Variants in SSH2 observed in about 807,000 individuals in gnomAD.
The protein encoded by SSH2 is slingshot protein phosphatase 2.
Under a neutral mutation model 135.2 loss-of-function variants are expected in SSH2, and 37 were observed. The ratio of observed to expected loss-of-function variants is 0.27; its 90% confidence interval spans 0.21 to 0.36. SSH2 has a LOEUF of 0.36. SSH2 is among the 10% of genes least tolerant of loss of function. SSH2 has a pLI of 1.00. For synonymous variants in SSH2, 628 were observed against 646.2 expected (o/e 0.97, Z 0.43); for missense variants, 1,408 against 1,765.3 (o/e 0.80, Z 3.63).
At chr17:29,815,883 C>T (rs748895736) in intron 2 of SSH2, among the ~76,000 whole-genome samples, 6 of 151,808 alleles carry the variant, frequency 4.0e-5, no homozygotes, top group Admixed American at 6.6e-5. Flanking sequence ...GAGTCTCGCT[C>T]TGTTGCCCAG....
chr17:29,919,778 A>G (rs2066943073), intron 1 of SSH2, among the ~76,000 whole-genome samples: 1 of 150,206 alleles, frequency 6.7e-6, no homozygotes, highest in African/African-American at 2.5e-5. Flanking sequence ...TTTTTAATGG[A>G]TTAACAAATA....
intron 3 of SSH2, chr17:29,761,199 G>A (rs775962000): frequency 2.4e-5 from 31 of 1,289,464 alleles, no homozygotes; most frequent in Admixed American, 1.8e-4. Context: ...GAGAAGTAAG[G>A]AATCATGTCG....
At chr17:29,826,966 A>G (rs781282797) in intron 2 of SSH2, among the ~76,000 whole-genome samples, 1 of 152,222 alleles carries the variant, frequency 6.6e-6, no homozygotes, top group Non-Finnish European at 1.5e-5. Flanking sequence ...GCTACCTACC[A>G]AGAGAGCTCG....
chr17:29,695,504 G>C lies in SSH2; in HGVS notation c.312C>G (p.Leu104=). 6.2e-7 allele frequency: 1 copy of C among 1,612,316 alleles called. No homozygotes were observed. Among genetic ancestry groups the C allele is most frequent in the Non-Finnish European group, 8.5e-7 (1 of 1,179,210 alleles). The stretch of plus-strand genomic sequence containing the variant: ...GGCGGAGTAAAATGAACATTGCTTG[G>C]AGATGCTGTTGGAGATCGCCTGGTG... ...NKHAGDLQQH[L]QAMFILLRPE... The change falls in exon 5 of 16, where the codon CTC becomes CTG. Residue 104 remains leucine, a synonymous_variant. Coordinates refer to ENST00000540801, the MANE Select transcript of SSH2 (RefSeq NM_001282129.2).
intron 3 of SSH2, among the ~76,000 whole-genome samples, chr17:29,743,907 CTTT>C (rs59540894): frequency 1.0e-4 from 10 of 99,864 alleles, no homozygotes; most frequent in South Asian, 3.4e-4. Context: ...TTCTTTTTTC[CTTT>C]TTTTTTTTTT....
At chr17:29,797,017 T>C (rs1455146422) in intron 2 of SSH2, among the ~76,000 whole-genome samples, 1 of 151,968 alleles carries the variant, frequency 6.6e-6, no homozygotes, top group Non-Finnish European at 1.5e-5. Context: ...AGATACGGGG[T>C]CTCACTATGT....
intron 1 of SSH2, among the ~76,000 whole-genome samples, chr17:29,901,956 A>AT (rs910128428): frequency 3.4e-4 from 51 of 149,148 alleles, no homozygotes; most frequent in Non-Finnish European, 4.5e-4. Flanking sequence ...CTAATTTTTA[A>AT]TTTTTTTTTT....
chr17:29,790,114 T>C (rs1041236233), intron 3 of SSH2, among the ~76,000 whole-genome samples: 3 of 152,170 alleles, frequency 2.0e-5, no homozygotes, highest in Admixed American at 6.5e-5. Flanking sequence ...ATTTTGTGTA[T>C]GAGAACATGA....
In SSH2 at chr17:29,631,754, T is replaced by G; in HGVS notation, c.3440A>C (p.His1147Pro). The change falls in exon 16 of 16, where the codon CAT (histidine) becomes CCT (proline). Residue 1147 changes from histidine (H) to proline (P), a missense_variant. His to Pro is a moderately conservative substitution (Grantham distance 77, BLOSUM62 -2). Around this residue, in one of 3 missense-constraint regions of SSH2, gnomAD observed 1,080 missense variants for 1,144.5 expected, o/e 0.94. Coordinates refer to ENST00000540801, the MANE Select transcript of SSH2 (RefSeq NM_001282129.2). ...ALETAAPFVS[H>P]TTHLLSASLD... is the part of the protein sequence containing the mutation. ...ACTGGCAGACAGTAAATGGGTTGTATGACTGACAAAAGGTGCTGCTGTCTC... is the reference window on the plus strand; with the variant it reads ...ACTGGCAGACAGTAAATGGGTTGTAGGACTGACAAAAGGTGCTGCTGTCTC... 6.2e-7 allele frequency: 1 copy of G among 1,614,212 alleles called. No individual in the cohort carries two copies. The highest frequency in any genetic ancestry group is 8.5e-7 in the Non-Finnish European group (1 of 1,180,040).
At chr17:29,814,949 CTT>C (rs1027393693) in intron 2 of SSH2, among the ~76,000 whole-genome samples, 7 of 132,332 alleles carry the variant, frequency 5.3e-5, no homozygotes, top group Non-Finnish European at 8.2e-5. Context: ...CCTTTTCTTT[CTT>C]TTTTTTTTTT....
intron 1 of SSH2, among the ~76,000 whole-genome samples, chr17:29,872,873 A>G (rs2065962427): frequency 6.6e-6 from 1 of 151,882 alleles, no homozygotes; most frequent in East Asian, 1.9e-4. Flanking sequence ...CCGCGTGCCT[A>G]TAATCCCAGC....
At chr17:29,868,681 T>C (rs890540819) in intron 1 of SSH2, among the ~76,000 whole-genome samples, 1 of 148,714 alleles carries the variant, frequency 6.7e-6, no homozygotes, top group Non-Finnish European at 1.5e-5. Context: ...GAGGTTGCAG[T>C]GAGCTGAGAT....
chr17:29,813,536 A>AG (rs1446133310), intron 2 of SSH2, among the ~76,000 whole-genome samples: 1 of 150,702 alleles, frequency 6.6e-6, no homozygotes, highest in Non-Finnish European at 1.5e-5. Context: ...TCATTTAAGC[A>AG]GCCGGGCACG....
At chr17:29,850,967 A>G (rs2065545623) in intron 1 of SSH2, among the ~76,000 whole-genome samples, 1 of 152,202 alleles carries the variant, frequency 6.6e-6, no homozygotes, top group Non-Finnish European at 1.5e-5. Context: ...CCTGGGCTAC[A>G]GAGCGAGACT....
chr17:29,820,878 T>A (rs2042639775), intron 2 of SSH2, among the ~76,000 whole-genome samples: 1 of 152,112 alleles, frequency 6.6e-6, no homozygotes, highest in Non-Finnish European at 1.5e-5. Context: ...TTGTCACCTC[T>A]CTCTTCCCAG....
chr17:29,822,387 G>A (rs971560947), intron 2 of SSH2, among the ~76,000 whole-genome samples: 1 of 150,360 alleles, frequency 6.7e-6, no homozygotes, highest in Admixed American at 6.6e-5. Flanking sequence ...TCTGAGATGA[G>A]GTCGCACTCC....
chr17:29,900,415 A>T lies in SSH2; in HGVS notation c.63+29523T>A, dbSNP rs1339374632. On this transcript the variant is annotated intron_variant, in intron 1 of 15. Coordinates refer to ENST00000540801, the MANE Select transcript of SSH2 (RefSeq NM_001282129.2). The stretch of plus-strand genomic sequence containing the variant: ...AAGGGCTAATATCCAGAATCTACAA[A>T]GAACTCAAACAAATTTACAAGAAAA... Among the ~76,000 whole-genome samples, 123 of 142,046 alleles carry T rather than the reference A, an allele frequency of 8.7e-4. 1 individual carries two copies. The highest frequency in any genetic ancestry group is 2.0e-3 in the African/African-American group (74 of 36,844). 93.2% of individuals were successfully genotyped at this position (142,046 alleles called of 152,430 possible).
At chr17:29,674,583 T>C (rs1182087465) in intron 8 of SSH2, among the ~76,000 whole-genome samples, 2 of 152,156 alleles carry the variant, frequency 1.3e-5, no homozygotes, top group Non-Finnish European at 2.9e-5. Flanking sequence ...GATCCACACA[T>C]CATCTATTTT....
At chr17:29,729,751 G>T (rs923818936) in intron 3 of SSH2, among the ~76,000 whole-genome samples, 1 of 151,982 alleles carries the variant, frequency 6.6e-6, no homozygotes, top group African/African-American at 2.4e-5. Context: ...ATGGACTGGA[G>T]GTCATTATGT....
Sources: gnomAD v4.1 joint callset for allele counts (sites outside exome capture counted in the v4.1 genomes callset) on GRCh38, gnomAD v4.1.1 for gene constraint, gnomAD v4.1.1 regional missense constraint, MANE v1.5 for transcripts, NCBI Gene and HGNC (gene_info 2026-07-23, HGNC 2026-07-21) for gene names.